Variants in MTA3 observed in about 807,000 individuals in gnomAD.
MTA3 encodes the protein metastasis associated 1 family member 3.
A neutral mutation model predicts 83.5 loss-of-function variants in MTA3; 34 were observed. The observed-to-expected ratio is 0.41, with a 90% CI of 0.31 to 0.54. The LOEUF (loss-of-function observed/expected upper bound fraction) is 0.54, where lower values mean the gene tolerates loss of function less well. Ranked by LOEUF, MTA3 falls within the 20% of genes least tolerant of loss-of-function variation. The pLI is 0.33. For synonymous variants in MTA3, 303 were observed against 252.7 expected, an observed-to-expected ratio of 1.20 and a Z score of -1.89; for missense variants, 761 against 726.4, an observed-to-expected ratio of 1.05 and a Z score of -0.55.
At chr2:42,594,148 C>G (rs1233262570) in intron 3 of MTA3, among the ~76,000 whole-genome samples, 1 of 151,324 alleles carries the variant, frequency 6.6e-6, no homozygotes, top group African/African-American at 2.4e-5. Context: ...GGTGGGATTT[C>G]ACTATGTTGG....
At chr2:42,648,563 A>T (rs1250543969) in intron 6 of MTA3, among the ~76,000 whole-genome samples, 5 of 152,196 alleles carry the variant, frequency 3.3e-5, no homozygotes, top group African/African-American at 7.2e-5. Flanking sequence ...GCTAGGGAAT[A>T]AATCTTTTTG....
Position 42,708,887 on chromosome 2 carries a change from G to T in MTA3, c.1316G>T (p.Arg439Ile), listed in dbSNP as rs867202449. ...CTGATTTTGCAGGACCCTCGTGTTA[G>T]AAGTCACGTGTCCCGCCAGGCCATG... The part of the protein sequence containing the change: ...PSPTTEDPRV[R>I]SHVSRQAMQG... Residue 439 changes from arginine to isoleucine, a missense_variant, in exon 14 of 17, where the codon AGA (arginine) becomes ATA (isoleucine). Coordinates refer to ENST00000405094, the MANE Select transcript of MTA3 (RefSeq NM_001330442.2). 2 of 1,613,966 alleles carry T rather than the reference G, an allele frequency of 1.2e-6. No individual in the cohort carries two copies. The highest frequency in any genetic ancestry group is 1.1e-5 in the South Asian group (1 of 91,068).
chr2:42,623,251 G>T (rs578023789), intron 4 of MTA3, among the ~76,000 whole-genome samples: 1 of 152,330 alleles, frequency 6.6e-6, no homozygotes, highest in South Asian at 2.1e-4. Flanking sequence ...CGTGTGCCTT[G>T]GAATGCAGGT....
intron 4 of MTA3, among the ~76,000 whole-genome samples, chr2:42,638,297 T>C (rs183951398): frequency 6.6e-6 from 1 of 152,306 alleles, no homozygotes; most frequent in East Asian, 1.9e-4. Context: ...GTCATAGATA[T>C]TCTGTGGCAG....
At chr2:42,595,509 G>A (rs933812050) in intron 3 of MTA3, among the ~76,000 whole-genome samples, 1 of 151,958 alleles carries the variant, frequency 6.6e-6, no homozygotes, top group African/African-American at 2.4e-5. Context: ...TTAATTTGTA[G>A]GGGGAAAATA....
intron 2 of MTA3, among the ~76,000 whole-genome samples, chr2:42,525,915 C>T (rs1382212211): frequency 1.3e-5 from 2 of 151,648 alleles, no homozygotes; most frequent in African/African-American, 2.4e-5. Flanking sequence ...CTGCCTCAGC[C>T]TCCCCAAGTG....
intron 2 of MTA3, among the ~76,000 whole-genome samples, chr2:42,522,603 C>G (rs1407070842): frequency 1.3e-5 from 2 of 151,584 alleles, no homozygotes; most frequent in African/African-American, 4.9e-5. Context: ...CTAGACCATC[C>G]TGGGCATCAC....
intron 8 of MTA3, among the ~76,000 whole-genome samples, chr2:42,668,422 A>T (rs1206815199): frequency 6.6e-6 from 1 of 152,198 alleles, no homozygotes; most frequent in Admixed American, 6.5e-5. Context: ...GTCCTGAACA[A>T]GACCCCTGCG....
chr2:42,679,407 A>G (rs1691667875), intron 8 of MTA3, among the ~76,000 whole-genome samples: 1 of 152,224 alleles, frequency 6.6e-6, no homozygotes, highest in Non-Finnish European at 1.5e-5. Flanking sequence ...AAGCAAATTG[A>G]AAACCGCACA....
intron 16 of MTA3, among the ~76,000 whole-genome samples, chr2:42,741,058 G>C (rs1368086029): frequency 6.6e-6 from 1 of 152,260 alleles, no homozygotes; most frequent in Non-Finnish European, 1.5e-5. Context: ...GCTAGATCTA[G>C]ATAACTTGCT....
intron 2 of MTA3, among the ~76,000 whole-genome samples, chr2:42,538,135 A>C (rs1317488808): frequency 2.6e-5 from 4 of 152,158 alleles, no homozygotes; most frequent in Admixed American, 1.3e-4. Flanking sequence ...CAGGAGGCTG[A>C]GGCAGGAGAA....
intron 3 of MTA3, 131 bp from the exon 4 acceptor site, chr2:42,609,327 T>C (rs1013657920): frequency 1.9e-6 from 2 of 1,034,498 alleles, no homozygotes; most frequent in East Asian, 5.6e-5. Context: ...CCACTGCACC[T>C]GGCAAATGTT....
At chr2:42,527,182 TCAATCAAAGCTCAACTGAACCAAC>T (rs1675755109) in intron 2 of MTA3, among the ~76,000 whole-genome samples, 1 of 148,980 alleles carries the variant, frequency 6.7e-6, no homozygotes, top group Non-Finnish European at 1.5e-5. Context: ...CCTGAACCAA[TCAATCAAAGCTCAACTGAACCAAC>T]CAATCAGGCC....
rs762975125 is a variant in MTA3, at chr2:42,753,394, G to A, written c.1780G>A (p.Asp594Asn). 1.3e-6 allele frequency: 2 copies of A among 1,550,490 alleles called. No individual in the cohort carries two copies. Among genetic ancestry groups the A allele is most frequent in the Non-Finnish European group, 1.7e-6 (2 of 1,146,992 alleles). ...TCTAGAACTCACGTGCTGTGTGTCAGACTGAGCTTTCCCTGATTCATTCTA... is the reference window on the plus strand; with the variant it reads ...TCTAGAACTCACGTGCTGTGTGTCAAACTGAGCTTTCCCTGATTCATTCTA... ...GLDELTCCVS[D>N] Residue 594 changes from aspartate to asparagine, a missense_variant, in exon 17 of 17, where the codon GAC becomes AAC. Physicochemically the swap from Asp to Asn is conservative, Grantham distance 23. Coordinates refer to ENST00000405094, the MANE Select transcript of MTA3 (RefSeq NM_001330442.2).
intron 2 of MTA3, among the ~76,000 whole-genome samples, chr2:42,502,998 A>G (rs1674468186): frequency 6.6e-6 from 1 of 151,540 alleles, no homozygotes; most frequent in Non-Finnish European, 1.5e-5. Flanking sequence ...TTAAAAAAAA[A>G]GGAAAGGGGT....
At chr2:42,734,186 T>C (rs1213989470) in intron 16 of MTA3, among the ~76,000 whole-genome samples, 1 of 152,162 alleles carries the variant, frequency 6.6e-6, no homozygotes, top group Non-Finnish European at 1.5e-5. Flanking sequence ...GCAAATAATA[T>C]TTGCTTTATG....
chr2:42,733,900 G>A (rs1460046608), intron 16 of MTA3, among the ~76,000 whole-genome samples: 1 of 152,096 alleles, frequency 6.6e-6, no homozygotes, highest in Non-Finnish European at 1.5e-5. Flanking sequence ...AAAGATACTT[G>A]ATATAAATTT....
intron 2 of MTA3, among the ~76,000 whole-genome samples, chr2:42,507,292 C>T (rs530110949): frequency 6.6e-6 from 1 of 152,044 alleles, no homozygotes; most frequent in African/African-American, 2.4e-5. Flanking sequence ...CCTCCTCAGG[C>T]TCCTAAGTAG....
chr2:42,514,970 C>T (rs1367480747), intron 2 of MTA3, among the ~76,000 whole-genome samples: 1 of 151,710 alleles, frequency 6.6e-6, no homozygotes, highest in Admixed American at 6.6e-5. Context: ...GGATTACAGG[C>T]GTGACCCACT....
Sources: gnomAD v4.1 joint callset for allele counts (sites outside exome capture counted in the v4.1 genomes callset) on GRCh38, gnomAD v4.1.1 for gene constraint, MANE v1.5 for transcripts, NCBI Gene and HGNC (gene_info 2026-07-23, HGNC 2026-07-21) for gene names.